Variants in PPL observed in about 807,000 individuals in gnomAD.
The protein encoded by PPL is 190 kDa paraneoplastic pemphigus antigen.
PPL carries 198 observed loss-of-function variants against 194.4 expected under a neutral mutation model. That is an observed-to-expected ratio of 1.02 (90% CI 0.91 to 1.15). The LOEUF (loss-of-function observed/expected upper bound fraction) is 1.15. Ranked by LOEUF, PPL falls within the 50% of genes most tolerant of loss-of-function variation. The pLI, the probability that PPL is intolerant of heterozygous loss-of-function variation, is 0.00. For synonymous variants in PPL, 1,220 were observed against 972.4 expected, an observed-to-expected ratio of 1.25 and a Z score of -4.74; for missense variants, 2,885 against 2,294.8, an observed-to-expected ratio of 1.26 and a Z score of -5.25.
chr16:4,885,555 G>A lies in PPL; in HGVS notation c.3100C>T (p.Leu1034=). The change falls in exon 22 of 22, where the codon CTG becomes TTG. Residue 1034 remains leucine, a synonymous_variant. Transcript: ENST00000345988. The surrounding 1 kb of genome is among the most constrained non-coding windows in gnomAD (Gnocchi z 6.3). The part of the protein sequence containing the change: ...KGAREAEVLL[L]QQRVAALAEE... ...GCCAGGGCGGCCACACGCTGCTGCAGGAGGAGCACCTCTGCCTCCCGGGCG... is the reference window on the plus strand; with the variant it reads ...GCCAGGGCGGCCACACGCTGCTGCAAGAGGAGCACCTCTGCCTCCCGGGCG... The A allele has an allele frequency of 3.7e-6, 6 of 1,610,676 alleles. No individual in the cohort carries two copies. The highest frequency in any genetic ancestry group is 5.1e-6 in the Non-Finnish European group (6 of 1,179,910).
chr16:4,920,834 C>T (rs1353568475), intron 1 of PPL, among the ~76,000 whole-genome samples: 2 of 152,132 alleles, frequency 1.3e-5, no homozygotes, highest in African/African-American at 4.8e-5. Context: ...AACTCCTGAG[C>T]TCAAGGGATG....
chr16:4,885,656 A>T lies in PPL; in HGVS notation c.2999T>A (p.Ile1000Asn), dbSNP rs1251349173. 2 of 1,612,332 alleles carry T rather than the reference A, an allele frequency of 1.2e-6. No homozygotes were observed. The highest frequency in any genetic ancestry group is 2.2e-5 in the East Asian group (1 of 44,638). The change falls in exon 22 of 22, where the codon ATC (isoleucine) becomes AAC (asparagine). Residue 1000 changes from isoleucine to asparagine, a missense_variant. By Grantham distance (149) the Ile-to-Asn change is moderately radical. Transcript: ENST00000345988. This position sits in a 1 kb window ranked among gnomAD's most constrained non-coding sequence, Gnocchi z 6.3. ...ATCCGCCTGGGCCCTGTCAGGCTCG[A>T]TGCGCAGGACCTCCTTGACCACGTA... ...QEYVVKEVLR[I>N]EPDRAQADEV...
intron 16 of PPL, chr16:4,891,517 A>G (rs2088319124): frequency 2.9e-6 from 1 of 348,602 alleles, no homozygotes; most frequent in East Asian, 4.5e-5. Context: ...CCAAGGCTCA[A>G]GCAATCCTGC....
At chr16:4,924,719 G>A (rs761611021) in intron 1 of PPL, among the ~76,000 whole-genome samples, 10 of 152,168 alleles carry the variant, frequency 6.6e-5, no homozygotes, top group Non-Finnish European at 1.2e-4. Context: ...CACGAAGACC[G>A]CAGCAAGACA....
At chr16:4,935,659 C>A (rs1260639732) in intron 1 of PPL, among the ~76,000 whole-genome samples, 1 of 152,122 alleles carries the variant, frequency 6.6e-6, no homozygotes, top group Non-Finnish European at 1.5e-5. Flanking sequence ...GGTGGGATCA[C>A]AGGGCAGGGG....
In PPL at chr16:4,902,908, C is replaced by T. The variant is rs765357464; in HGVS notation, c.318-382G>A. ...TTCACCATGTTGGTCAGGCTGGTCT[C>T]GAACTCCTGACCTCAGGTGATCCGT... On this transcript the variant is annotated intron_variant, in intron 3 of 21. Coordinates refer to ENST00000345988, the MANE Select transcript of PPL (RefSeq NM_002705.5). The surrounding 1 kb of genome is among the most constrained non-coding windows in gnomAD (Gnocchi z 4.0). Among the ~76,000 whole-genome samples the T allele has an allele frequency of 7.9e-5, 12 of 152,140 alleles. No individual in the cohort carries two copies. Among genetic ancestry groups the T allele is most frequent in the Non-Finnish European group, 1.5e-4 (10 of 68,026 alleles).
chr16:4,904,939 G>A (rs370227792), intron 2 of PPL, among the ~76,000 whole-genome samples: 22 of 152,314 alleles, frequency 1.4e-4, no homozygotes, highest in Non-Finnish European at 2.4e-4. Flanking sequence ...GCTTCTGTTC[G>A]TTTAGGGAAG....
At chr16:4,892,833 G>A (rs531283193) in intron 14 of PPL, 30 of 183,262 alleles carry the variant, frequency 1.6e-4, no homozygotes, top group African/African-American at 7.0e-4. Context: ...CCTCGCCACT[G>A]CCCTGTGAGC....
chr16:4,902,548 C>T lies in PPL; in HGVS notation c.318-22G>A. On this transcript the variant is annotated intron_variant, in intron 3 of 21. Coordinates refer to ENST00000345988, the MANE Select transcript of PPL (RefSeq NM_002705.5). The surrounding 1 kb of genome is among the most constrained non-coding windows in gnomAD (Gnocchi z 4.0). ...GATACTGATGGGAGAGAGGCTCCCA[C>T]TTAGTGGGGCTGGTTGGCACTGCCT... The T allele has an allele frequency of 6.2e-7, 1 of 1,609,390 alleles. No individual in the cohort carries two copies. Among genetic ancestry groups the T allele is most frequent in the Non-Finnish European group, 8.5e-7 (1 of 1,177,682 alleles).
chr16:4,925,479 C>T lies in PPL; in HGVS notation c.62+11505G>A, dbSNP rs546761560. ...GTCTCATAGCCCTAGGAAGTAGCCA[C>T]CCTTAGTGTTACTGGGGCTCTTAAT... On this transcript the variant is annotated intron_variant, in intron 1 of 21. Coordinates refer to ENST00000345988, the MANE Select transcript of PPL (RefSeq NM_002705.5). 6.6e-5 allele frequency among the ~76,000 whole-genome samples: 10 copies of T among 152,346 alleles called. No homozygotes were observed. In the South Asian group the frequency reaches 1.7e-3, roughly 25 times the overall value.
intron 2 of PPL, among the ~76,000 whole-genome samples, chr16:4,907,306 TCTCACACACACACA>T (rs2088707992): frequency 2.3e-5 from 2 of 88,866 alleles, no homozygotes; most frequent in South Asian, 4.2e-4. Flanking sequence ...ATATATCTAA[TCTCACACACACACA>T]CACACACACA....
intron 1 of PPL, among the ~76,000 whole-genome samples, chr16:4,916,099 G>C (rs1046264924): frequency 1.3e-5 from 2 of 152,222 alleles, no homozygotes; most frequent in African/African-American, 2.4e-5. Context: ...TGCCTTGCTA[G>C]TGGGGATGCA....
Position 4,883,973 on chromosome 16 carries a change from A to C in PPL, c.4682T>G (p.Leu1561Arg). 6.2e-7 allele frequency: 1 copy of C among 1,614,082 alleles called. No individual in the cohort carries two copies. The highest frequency in any genetic ancestry group is 8.5e-7 in the Non-Finnish European group (1 of 1,180,024). Residue 1561 changes from leucine to arginine, a missense_variant, in exon 22 of 22, where the codon CTG (leucine) becomes CGG (arginine). Physicochemically the swap from Leu to Arg is moderately radical, Grantham distance 102 (BLOSUM62 -2). Transcript: ENST00000345988. The surrounding 1 kb of genome is among the most constrained non-coding windows in gnomAD (Gnocchi z 4.8). ...CTGTAATTTGTGGTTCTCTTCCCTC[A>C]GAAAGTCTAGTTCCTTGGATGACTT... is the stretch of plus-strand genomic sequence containing the variant. ...NSKSSKELDF[L>R]REENHKLQLE...
At chr16:4,895,799 C>G in intron 9 of PPL, 83 bp from the exon 10 acceptor site, 1 of 1,590,234 alleles carries the variant, frequency 6.3e-7, no homozygotes, top group South Asian at 1.1e-5. Flanking sequence ...GCTCATCCCT[C>G]AGGCGGGGCT....
chr16:4,904,056 G>C lies in PPL; in HGVS notation c.163-16C>G, dbSNP rs775189228. On this transcript the variant is annotated splice_polypyrimidine_tract_variant and intron_variant, in intron 2 of 21. Coordinates refer to ENST00000345988, the MANE Select transcript of PPL (RefSeq NM_002705.5). ...GAGCCAGGTCCTGTGAGGGTCACAA[G>C]AGAGGGGACAATGAACAGGAGCCGA... 3.7e-6 allele frequency: 6 copies of C among 1,608,404 alleles called. No homozygotes were observed. Among genetic ancestry groups the C allele is most frequent in the African/African-American group, 1.3e-5 (1 of 74,996 alleles).
Position 4,895,711 on chromosome 16 carries a change from G to C in PPL, c.978C>G (p.His326Gln). The change falls in exon 10 of 22, where the codon CAC becomes CAG. Residue 326 changes from histidine to glutamine, a missense_variant. Physicochemically the swap from His to Gln is conservative, Grantham distance 24 (BLOSUM62 0). Transcript: ENST00000345988. ...GCTCCTGAGCGTCCTTCACGTCTTC[G>C]TGAAACTAGGGGAGAAGGTGGCTCT... ...LKYMEDYHQF[H>Q]EDVKDAQELL... 2 of 1,613,902 alleles carry C rather than the reference G, an allele frequency of 1.2e-6. No homozygotes were observed. Among genetic ancestry groups the C allele is most frequent in the African/African-American group, 1.3e-5 (1 of 75,060 alleles).
Position 4,911,069 on chromosome 16 carries a change from G to A in PPL, c.63-120C>T. On this transcript the variant is annotated intron_variant, in intron 1 of 21. Coordinates refer to ENST00000345988, the MANE Select transcript of PPL (RefSeq NM_002705.5). Reference sequence around the variant, plus strand: ...ACGCTCTGAGCAGGAGCTGCCCACAGAGCCTTTGAGGTAGTTGGGCTGTTC... The same window carrying A: ...ACGCTCTGAGCAGGAGCTGCCCACAAAGCCTTTGAGGTAGTTGGGCTGTTC... 9.5e-6 allele frequency: 7 copies of A among 735,622 alleles called. No homozygotes were observed. In the South Asian group the frequency reaches 1.2e-4, roughly 12 times the overall value. The allele number at this position is 735,622 out of a possible 1,614,324, so 45.6% of individuals were successfully genotyped here.
Position 4,884,420 on chromosome 16 carries a change from G to A in PPL, c.4235C>T (p.Ala1412Val). 1.2e-6 allele frequency: 2 copies of A among 1,603,168 alleles called. No homozygotes were observed. The highest frequency in any genetic ancestry group is 1.7e-6 in the Non-Finnish European group (2 of 1,177,772). Reference sequence around the variant, plus strand: ...TACCTCGCGCTCGGCCTCCCTGCGGGCCTGCCGCTCGCGCTCTAGCTCCTC... The same window carrying A: ...TACCTCGCGCTCGGCCTCCCTGCGGACCTGCCGCTCGCGCTCTAGCTCCTC... ...QLEELERERQ[A>V]RREAEREVQR... The change falls in exon 22 of 22, where the codon GCC becomes GTC. Residue 1412 changes from alanine (A) to valine (V), a missense_variant. Coordinates refer to ENST00000345988, the MANE Select transcript of PPL (RefSeq NM_002705.5). The surrounding 1 kb of genome is among the most constrained non-coding windows in gnomAD (Gnocchi z 5.7).
At chr16:4,928,845 T>C (rs2089191941) in intron 1 of PPL, among the ~76,000 whole-genome samples, 1 of 151,810 alleles carries the variant, frequency 6.6e-6, no homozygotes, top group African/African-American at 2.4e-5. Context: ...ACCCCGTCTC[T>C]ACTAAAAATA....
Sources: gnomAD v4.1 joint callset for allele counts (sites outside exome capture counted in the v4.1 genomes callset) on GRCh38, gnomAD v4.1.1 for gene constraint, Gnocchi (gnomAD v3.1) non-coding constraint, MANE v1.5 for transcripts, NCBI Gene and HGNC (gene_info 2026-07-23, HGNC 2026-07-21) for gene names.